The following KIF23 variants were observed in gnomAD, a reference collection of about 807,000 sequenced individuals.
KIF23 encodes kinesin family member 23.
KIF23 carries 30 observed loss-of-function variants against 137.5 expected under a neutral mutation model. The observed-to-expected ratio is 0.22, with a 90% CI of 0.16 to 0.30. KIF23 has a LOEUF of 0.30. Among genes scored for constraint, KIF23 ranks in the 10% least tolerant of loss-of-function variants. KIF23 has a pLI of 1.00. For missense variants in KIF23, 920 were observed against 1,194.3 expected (o/e 0.77, Z 3.38); for synonymous variants, 367 against 391.1 (o/e 0.94, Z 0.73).
chr15:69,435,880 T>C (rs1167430514), intron 13 of KIF23, 109 bp downstream of exon 13: 1 of 1,418,672 alleles, frequency 7.0e-7, no homozygotes. Flanking sequence ...TAGAGAACCA[T>C]TGATTGTAGA....
chr15:69,427,514 A>T (rs1231716078), intron 10 of KIF23: 1 of 449,184 alleles, frequency 2.2e-6, no homozygotes, highest in Non-Finnish European at 4.5e-6. Context: ...GTGGAAATTC[A>T]GTTAGTGGTT....
At chr15:69,416,112 T>C in intron 2 of KIF23, 49 bp downstream of exon 2, 1 of 1,200,174 alleles carries the variant, frequency 8.3e-7, no homozygotes, top group Non-Finnish European at 1.2e-6. Flanking sequence ...AACTTATCTC[T>C]TCAGTCCTTT....
At chr15:69,429,780 G>A (rs2057307446) in intron 11 of KIF23, among the ~76,000 whole-genome samples, 1 of 152,086 alleles carries the variant, frequency 6.6e-6, no homozygotes, top group African/African-American at 2.4e-5. Context: ...TGGCAATTTG[G>A]GAGGCCAAGG....
intron 21 of KIF23, 92 bp downstream of exon 21, chr15:69,446,183 T>G (rs1335925373): frequency 9.7e-6 from 14 of 1,436,522 alleles, no homozygotes; most frequent in Non-Finnish European, 1.4e-5. Context: ...AATGTATCAT[T>G]AATTCTCCAA....
At chr15:69,430,979 T>G (rs971574127) in intron 11 of KIF23, among the ~76,000 whole-genome samples, 3 of 152,168 alleles carry the variant, frequency 2.0e-5, no homozygotes, top group Non-Finnish European at 2.9e-5. Flanking sequence ...AGGATTAGTC[T>G]TTTAGAAAGA....
intron 19 of KIF23, among the ~76,000 whole-genome samples, chr15:69,442,428 CTTAGAA>C (rs1263834169): frequency 6.6e-6 from 1 of 152,166 alleles, no homozygotes; most frequent in African/African-American, 2.4e-5. Flanking sequence ...ACAAAGCTCT[CTTAGAA>C]TATTTCTTCT....
chr15:69,417,615 A>G (rs2056951711), intron 3 of KIF23, 104 bp downstream of exon 3: 2 of 1,267,678 alleles, frequency 1.6e-6, no homozygotes, highest in Admixed American at 2.3e-5. Flanking sequence ...CCACATTTTC[A>G]AAAGACTTAT....
At position 69,440,305 on chromosome 15, in the gene KIF23, T is replaced by C. The variant is rs1443596623; in HGVS notation, c.1930-3T>C. ...AATATACATTGCCACTGATAATCTG[T>C]AGGAGCGTAGAGTGGCAGCCAAACA... On this transcript the variant is annotated splice_region_variant and splice_polypyrimidine_tract_variant and intron_variant, in intron 17 of 23. Transcript: ENST00000679126. 2.5e-6 allele frequency: 4 copies of C among 1,611,440 alleles called. No individual in the cohort carries two copies. The highest frequency in any genetic ancestry group is 3.4e-5 in the Admixed American group (2 of 59,564).
chr15:69,435,455 A>G, intron 11 of KIF23, 28 bp from the exon 12 acceptor site: 1 of 1,566,344 alleles, frequency 6.4e-7, no homozygotes, highest in Non-Finnish European at 8.8e-7. Flanking sequence ...TTGTTCTGAA[A>G]TGGCGTCTAT....
Position 69,421,630 on chromosome 15 carries a change from T to G in KIF23, c.211-17T>G. On this transcript the variant is annotated splice_polypyrimidine_tract_variant and intron_variant, in intron 3 of 23. Coordinates refer to ENST00000679126, the MANE Select transcript of KIF23 (RefSeq NM_001367805.3). ...ATAGTGGAATTCTATTTAGTGCATT[T>G]TTTTCTCTCTCCACAGACTCAGTAT... The G allele has an allele frequency of 6.6e-7, 1 of 1,510,738 alleles. No individual in the cohort carries two copies. Among genetic ancestry groups the G allele is most frequent in the Non-Finnish European group, 9.2e-7 (1 of 1,087,810 alleles). 93.6% of individuals were successfully genotyped at this position (1,510,738 alleles called of 1,614,324 possible). A position where few individuals can be genotyped will look rare whatever the true frequency, so the allele number is the denominator to read the frequency against.
chr15:69,422,049 C>T lies in KIF23; in HGVS notation c.374C>T (p.Ser125Phe), dbSNP rs766340385. ...GSGKTHTMTG[S>F]PGEGGLLPRC... ...GGAAAAACTCACACAATGACTGGTTCTCCAGGGGAAGGAGGGCTGCTTCCT... is the reference window on the plus strand; with the variant it reads ...GGAAAAACTCACACAATGACTGGTTTTCCAGGGGAAGGAGGGCTGCTTCCT... The change falls in exon 5 of 24, where the codon TCT (serine) becomes TTT (phenylalanine). Residue 125 changes from serine (S) to phenylalanine (F), a missense_variant. Around this residue, in one of 4 missense-constraint regions of KIF23, gnomAD observed 714 missense variants for 866.2 expected, o/e 0.82. Transcript: ENST00000679126. The T allele has an allele frequency of 2.5e-6, 4 of 1,614,094 alleles. No individual in the cohort carries two copies. Among genetic ancestry groups the T allele is most frequent in the Non-Finnish European group, 3.4e-6 (4 of 1,179,980 alleles).
chr15:69,445,772 T>C (rs2057727997), intron 20 of KIF23, among the ~76,000 whole-genome samples: 1 of 152,228 alleles, frequency 6.6e-6, no homozygotes, highest in East Asian at 1.9e-4. Context: ...AATATTTTTT[T>C]CTGCAATTAT....
At chr15:69,429,031 T>C in intron 10 of KIF23, 80 bp from the exon 11 acceptor site, 1 of 909,062 alleles carries the variant, frequency 1.1e-6, no homozygotes, top group Non-Finnish European at 1.7e-6. Flanking sequence ...AAGACTTAGC[T>C]TGTTGATATG....
intron 16 of KIF23, 141 bp downstream of exon 16, chr15:69,438,546 C>A: frequency 1.5e-6 from 1 of 669,184 alleles, no homozygotes; most frequent in Non-Finnish European, 2.3e-6. Flanking sequence ...GCAGGTAATT[C>A]CAACACTTTG....
intron 7 of KIF23, 23 bp from the exon 8 acceptor site, chr15:69,425,259 C>T: frequency 6.5e-7 from 1 of 1,532,070 alleles, no homozygotes; most frequent in Non-Finnish European, 8.7e-7. Flanking sequence ...GAAACAGTAA[C>T]TTCTACCTTA....
chr15:69,439,961 C>A lies in KIF23; in HGVS notation c.1813C>A (p.Gln605Lys). The A allele has an allele frequency of 6.2e-7, 1 of 1,614,004 alleles. No homozygotes were observed. The highest frequency in any genetic ancestry group is 8.5e-7 in the Non-Finnish European group (1 of 1,179,970). The change falls in exon 17 of 24, where the codon CAG (glutamine) becomes AAG (lysine). Residue 605 changes from glutamine (Q) to lysine (K), a missense_variant. Around this residue, in one of 4 missense-constraint regions of KIF23, gnomAD observed 714 missense variants for 866.2 expected, o/e 0.82. Transcript: ENST00000679126. The stretch of plus-strand genomic sequence containing the variant: ...TGAGGAAGATAAACGCAATTTGCAA[C>A]AGGAACTTGAAACTCAGAACCAGAA... ...IYEEDKRNLQ[Q>K]ELETQNQKLQ...
At chr15:69,424,577 G>A (rs1295348888) in intron 7 of KIF23, among the ~76,000 whole-genome samples, 1 of 152,178 alleles carries the variant, frequency 6.6e-6, no homozygotes, top group Non-Finnish European at 1.5e-5. Context: ...TCAGCTCACT[G>A]CAGCCAACCT....
chr15:69,420,237 C>A (rs990737442), intron 3 of KIF23, among the ~76,000 whole-genome samples: 25 of 151,978 alleles, frequency 1.6e-4, no homozygotes, highest in African/African-American at 5.8e-4. Context: ...GCACTCCAGC[C>A]TGGGTGACAG....
chr15:69,432,303 G>A (rs2057372919), intron 11 of KIF23, among the ~76,000 whole-genome samples: 1 of 152,178 alleles, frequency 6.6e-6, no homozygotes, highest in Non-Finnish European at 1.5e-5. Context: ...TAGGGTTTGG[G>A]CTGTCAGCTG....
Sources: allele counts gnomAD v4.1 joint callset (sites outside exome capture counted in the v4.1 genomes callset), GRCh38; gene constraint gnomAD v4.1.1; regional missense constraint gnomAD v4.1.1; transcripts MANE v1.5; gene names NCBI Gene and HGNC (gene_info 2026-07-23, HGNC 2026-07-21).